The following PDE10A variants were observed in gnomAD, a reference collection of about 807,000 sequenced individuals.
The protein encoded by PDE10A is cAMP and cAMP-inhibited cGMP 3',5'-cyclic phosphodiesterase 10A.
A neutral mutation model predicts 97.7 loss-of-function variants in PDE10A; 39 were observed. That is an observed-to-expected ratio of 0.40 (90% CI 0.31 to 0.52). The LOEUF is 0.52. Ranked by LOEUF, PDE10A falls within the 20% of genes least tolerant of loss-of-function variation. PDE10A has a pLI of 0.56. For synonymous variants in PDE10A, 371 were observed against 376.8 expected, an observed-to-expected ratio of 0.98 and a Z score of 0.18; for missense variants, 731 against 1,047.8, an observed-to-expected ratio of 0.70 and a Z score of 4.17.
At chr6:165,458,161 T>C (rs1778072924) in intron 3 of PDE10A, among the ~76,000 whole-genome samples, 1 of 152,220 alleles carries the variant, frequency 6.6e-6, no homozygotes, top group Non-Finnish European at 1.5e-5. Flanking sequence ...TATAATGTTT[T>C]ATTTTGACAT....
At chr6:165,664,972 T>A (rs772202241), upstream of PDE10A, among the ~76,000 whole-genome samples, 41 of 152,254 alleles carry the variant, frequency 2.7e-4, no homozygotes, top group Non-Finnish European at 5.1e-4. Context: ...CAAATATTTG[T>A]CCTGGGAGCC....
rs181667055 is a variant in PDE10A at position 165,412,911 on chromosome 6, T to C, written c.2076+590A>G. 5.7e-4 allele frequency among the ~76,000 whole-genome samples: 86 copies of C among 152,166 alleles called. 2 individuals are homozygous for C. Among genetic ancestry groups the C allele is most frequent in the African/African-American group, 2.0e-3 (84 of 41,534 alleles). On this transcript the variant is annotated intron_variant, in intron 13 of 21. Coordinates refer to ENST00000539869, the MANE Select transcript of PDE10A (RefSeq NM_001385079.1). ...TACTAAATGTTCCATTCATCTAAAA[T>C]ATAACAATGTAAAAGACAGACAATA...
chr6:165,667,169 A>G (rs1266946105), upstream of PDE10A, among the ~76,000 whole-genome samples: 1 of 152,226 alleles, frequency 6.6e-6, no homozygotes, highest in Non-Finnish European at 1.5e-5. Context: ...GCTGCCACTA[A>G]TATTCCTAGA....
intron 13 of PDE10A, among the ~76,000 whole-genome samples, chr6:165,412,386 C>A (rs1344981584): frequency 6.6e-6 from 1 of 151,994 alleles, no homozygotes; most frequent in Admixed American, 6.6e-5. Flanking sequence ...ATAAAACAGT[C>A]AATATTCAGA....
At chr6:165,986,787 G>C (rs946397618) in intron 1 of PDE10A, among the ~76,000 whole-genome samples, 2 of 151,822 alleles carry the variant, frequency 1.3e-5, no homozygotes, top group Admixed American at 6.6e-5. Flanking sequence ...TTGGGGGGAG[G>C]GGGGACGGGA....
chr6:165,811,597 G>A (rs543529918), intron 1 of PDE10A, among the ~76,000 whole-genome samples: 1 of 152,306 alleles, frequency 6.6e-6, no homozygotes, highest in African/African-American at 2.4e-5. Context: ...TGGACTCCAG[G>A]AGGATAAGAC....
chr6:165,417,213 A>C (rs1174445065), intron 11 of PDE10A, among the ~76,000 whole-genome samples: 1 of 152,252 alleles, frequency 6.6e-6, no homozygotes, highest in Non-Finnish European at 1.5e-5. Flanking sequence ...ACACTGCATA[A>C]AACTCATGGT....
chr6:165,489,562 A>G (rs147806795), intron 2 of PDE10A, among the ~76,000 whole-genome samples: 114 of 152,322 alleles, frequency 7.5e-4, no homozygotes, highest in African/African-American at 2.7e-3. Flanking sequence ...CCAAAAGATC[A>G]TACTAGCTCA....
intron 1 of PDE10A, among the ~76,000 whole-genome samples, chr6:165,740,316 AAGAGAGAGAGAG>A (rs60010542): frequency 2.7e-5 from 4 of 146,658 alleles, no homozygotes; most frequent in South Asian, 2.2e-4. Context: ...TATGGAGAGA[AAGAGAGAGAGAG>A]AGAGAGAGAG....
chr6:165,937,143 C>G (rs1405005551), intron 1 of PDE10A, among the ~76,000 whole-genome samples: 1 of 152,196 alleles, frequency 6.6e-6, no homozygotes, highest in Non-Finnish European at 1.5e-5. Context: ...TTAGACACCC[C>G]TTGAGGGCTG....
At chr6:165,701,690 AGT>A (rs1259823917) in intron 1 of PDE10A, among the ~76,000 whole-genome samples, 1 of 146,702 alleles carries the variant, frequency 6.8e-6, no homozygotes, top group African/African-American at 2.6e-5. Context: ...TGTGCATGTA[AGT>A]GTGTTTGCAT....
intron 1 of PDE10A, among the ~76,000 whole-genome samples, chr6:165,981,715 C>T (rs1785023051): frequency 6.6e-6 from 1 of 152,214 alleles, no homozygotes; most frequent in Non-Finnish European, 1.5e-5. Flanking sequence ...CGATAACCAC[C>T]TTTGCCATCA....
At chr6:165,640,115 T>C (rs894738850) in intron 1 of PDE10A, among the ~76,000 whole-genome samples, 7 of 151,352 alleles carry the variant, frequency 4.6e-5, no homozygotes, top group Non-Finnish European at 7.4e-5. Context: ...CGACTAAAGG[T>C]CTTTAAGTTG....
intron 1 of PDE10A, among the ~76,000 whole-genome samples, chr6:165,610,966 G>GTCTA (rs1202120301): frequency 2.8e-4 from 42 of 152,072 alleles, no homozygotes; most frequent in Non-Finnish European, 7.4e-5. Context: ...TACCTTAAAA[G>GTCTA]CCTTCCAATC....
At position 165,560,097 on chromosome 6, in the gene PDE10A, G is replaced by A. The variant is rs888767000; in HGVS notation, c.866-16529C>T. Among the ~76,000 whole-genome samples the A allele has an allele frequency of 3.2e-4, 49 of 152,180 alleles. 1 individual carries two copies. Among genetic ancestry groups the A allele is most frequent in the Non-Finnish European group, 6.3e-4 (43 of 68,028 alleles). ...GTATTTTACTTCCACAATAGGACAT[G>A]TTATGCTACAGGTTGGTCCTAAAAT... is the stretch of plus-strand genomic sequence containing the variant. On this transcript the variant is annotated intron_variant, in intron 1 of 21. Transcript: ENST00000539869.
intron 1 of PDE10A, chr6:165,949,814 C>T (rs890118744): frequency 1.3e-5 from 2 of 152,128 alleles, no homozygotes; most frequent in African/African-American, 2.4e-5. Context: ...AATGGAAAAA[C>T]GAACACATCC....
At chr6:165,977,349 C>T (rs1415593260) in intron 1 of PDE10A, among the ~76,000 whole-genome samples, 1 of 152,150 alleles carries the variant, frequency 6.6e-6, no homozygotes, top group African/African-American at 2.4e-5. Flanking sequence ...AGTAAAGAAA[C>T]CCACACTACC....
chr6:165,764,434 G>A lies in PDE10A; in HGVS notation c.-614-220866C>T, dbSNP rs377277582. Among the ~76,000 whole-genome samples, 179 of 152,296 alleles carry A rather than the reference G, an allele frequency of 1.2e-3. 2 individuals are homozygous for A. The highest frequency in any genetic ancestry group is 4.0e-3 in the African/African-American group (168 of 41,560). On this transcript the variant is annotated intron_variant, in intron 1 of 19. Coordinates refer to the PDE10A transcript ENST00000366882. ...CTCTGTGATTATTCTCCCTATTGGT[G>A]TGTCCGGAATTGGTGGGTTCTTGGT...
chr6:165,398,499 C>CTCA (rs1305266599), intron 13 of PDE10A, among the ~76,000 whole-genome samples: 1 of 90,782 alleles, frequency 1.1e-5, no homozygotes, highest in African/African-American at 6.5e-5. Context: ...CTCTCTCTCT[C>CTCA]AAAAAAAAAA....
Sources: gnomAD v4.1 joint callset for allele counts (sites outside exome capture counted in the v4.1 genomes callset) on GRCh38, gnomAD v4.1.1 for gene constraint, MANE v1.5 for transcripts, NCBI Gene and HGNC (gene_info 2026-07-23, HGNC 2026-07-21) for gene names.